Variants in SDHAF2 observed in about 807,000 individuals in gnomAD.
The protein encoded by SDHAF2 is succinate dehydrogenase complex assembly factor 2.
A neutral mutation model predicts 18.5 loss-of-function variants in SDHAF2; 21 were observed. The ratio of observed to expected loss-of-function variants is 1.13; its 90% CI spans 0.80 to 1.63. The LOEUF (loss-of-function observed/expected upper bound fraction) is 1.63, where lower values mean the gene tolerates loss of function less well. Among genes scored for constraint, SDHAF2 ranks in the 40% most tolerant of loss-of-function variants. The pLI is 0.00. For synonymous variants in SDHAF2, 84 were observed against 70.7 expected (o/e 1.19, Z -0.94); for missense variants, 195 against 200.3 (o/e 0.97, Z 0.16).
chr11:61,443,011 C>T (rs1201558101), intron 3 of SDHAF2, among the ~76,000 whole-genome samples: 1 of 152,154 alleles, frequency 6.6e-6, no homozygotes, highest in Non-Finnish European at 1.5e-5. Flanking sequence ...TGCCTCAGTC[C>T]CTTAAAGTGT....
chr11:61,433,869 C>A (rs1861962733), intron 1 of SDHAF2: 1 of 152,318 alleles, frequency 6.6e-6, no homozygotes, highest in Non-Finnish European at 1.5e-5. Context: ...AGATGGCCAC[C>A]TTTTCACTGT....
chr11:61,436,965 G>GT, intron 1 of SDHAF2: 1 of 1,243,028 alleles, frequency 8.0e-7, no homozygotes, highest in Middle Eastern at 2.2e-4. Flanking sequence ...ACACAGGTGA[G>GT]TGAGTAGAGT....
chr11:61,430,944 C>T (rs1861881680), intron 1 of SDHAF2: 1 of 151,440 alleles, frequency 6.6e-6, no homozygotes, highest in African/African-American at 2.4e-5. Context: ...CTTAGTACAG[C>T]TTTTGTCGCA....
intron 1 of SDHAF2, among the ~76,000 whole-genome samples, chr11:61,436,368 G>A (rs112472448): frequency 1.2e-3 from 186 of 152,288 alleles, no homozygotes; most frequent in African/African-American, 4.1e-3. Flanking sequence ...CTAGGGAGAA[G>A]CTGGGAGGTG....
rs866801707 is a variant in SDHAF2, at chr11:61,446,176, C to T, written c.*105C>T. 3 of 1,292,652 alleles carry T rather than the reference C, an allele frequency of 2.3e-6. No individual in the cohort carries two copies. In the Middle Eastern group the frequency reaches 6.0e-4, roughly 258 times the overall value. The allele number at this position is 1,292,652 out of a possible 1,614,324, so 80.1% of individuals were successfully genotyped here. ...TTCTTAGATGCCCAGCTGCCCTACCCCAGACCACTGGTCCTGCCTCAAGTG... is the reference window on the plus strand; with the variant it reads ...TTCTTAGATGCCCAGCTGCCCTACCTCAGACCACTGGTCCTGCCTCAAGTG... On this transcript the variant is annotated 3_prime_UTR_variant, in exon 4 of 4. Coordinates refer to ENST00000301761, the MANE Select transcript of SDHAF2 (RefSeq NM_017841.4).
rs549764688 is a variant in SDHAF2, at chr11:61,434,591, C to CTTTTTTTTTTTTTTTTTTTTTTTT, written c.37-3015_37-3014insTTTTTTTTTTTTTTTTTTTTTTTT. The CTTTTTTTTTTTTTTTTTTTTTTTT allele has an allele frequency of 3.5e-4, 42 of 118,930 alleles. 3 individuals carry two copies. Among genetic ancestry groups the CTTTTTTTTTTTTTTTTTTTTTTTT allele is most frequent in the African/African-American group, 1.3e-3 (34 of 26,540 alleles). The allele number at this position is 118,930 out of a possible 1,614,324, so 7.4% of individuals were successfully genotyped here. On this transcript the variant is annotated intron_variant, in intron 1 of 3. Transcript: ENST00000301761. ...AGGCTTTCTTCACTCCTTCTCATTC[C>CTTTTTTTTTTTTTTTTTTTTTTTT]TTTTTTTTTTTTTTTTTTTAGAAAA...
At chr11:61,431,063 CG>C (rs1453905160) in intron 1 of SDHAF2, 1 of 150,288 alleles carries the variant, frequency 6.7e-6, no homozygotes, top group Non-Finnish European at 1.5e-5. Flanking sequence ...TTGCTCTTGT[CG>C]CCCAGGCTGG....
chr11:61,434,591 C>CTTTTTTTTTTTTTTTTTTTTTTTTTTTTT lies in SDHAF2; in HGVS notation c.37-3015_37-3014insTTTTTTTTTTTTTTTTTTTTTTTTTTTTT, dbSNP rs549764688. 10 of 118,950 alleles carry CTTTTTTTTTTTTTTTTTTTTTTTTTTTTT rather than the reference C, an allele frequency of 8.4e-5. 1 individual carries two copies. Among genetic ancestry groups the CTTTTTTTTTTTTTTTTTTTTTTTTTTTTT allele is most frequent in the African/African-American group, 3.8e-4 (10 of 26,556 alleles). The allele number at this position is 118,950 out of a possible 1,614,324, so 7.4% of individuals were successfully genotyped here. A position where few individuals can be genotyped will look rare whatever the true frequency, so the allele number is the denominator to read the frequency against. Reference sequence around the variant, plus strand: ...AGGCTTTCTTCACTCCTTCTCATTCCTTTTTTTTTTTTTTTTTTTAGAAAA... The same window carrying CTTTTTTTTTTTTTTTTTTTTTTTTTTTTT: ...AGGCTTTCTTCACTCCTTCTCATTCCTTTTTTTTTTTTTTTTTTTTTTTTTTTTTTTTTTTTTTTTTTTTTTTTAGAAAA... On this transcript the variant is annotated intron_variant, in intron 1 of 3. Transcript: ENST00000301761.
chr11:61,437,586 G>C (rs187811909), intron 1 of SDHAF2, 39 bp from the exon 2 acceptor site: 1 of 1,508,746 alleles, frequency 6.6e-7, no homozygotes. Flanking sequence ...GATGATAGTC[G>C]TCATTATTGT....
At chr11:61,434,752 C>A (rs1861974536) in intron 1 of SDHAF2, 2 of 144,476 alleles carry the variant, frequency 1.4e-5, no homozygotes, top group Non-Finnish European at 3.0e-5. Context: ...TTTTTTGAGA[C>A]GGAGTCTCGC....
chr11:61,443,342 C>G (rs1862093149), intron 3 of SDHAF2, among the ~76,000 whole-genome samples: 1 of 152,184 alleles, frequency 6.6e-6, no homozygotes, highest in Non-Finnish European at 1.5e-5. Context: ...TAATATTAGT[C>G]ATAGTCATTT....
Position 61,446,243 on chromosome 11 carries a change from A to G in SDHAF2, c.*172A>G, listed in dbSNP as rs1345983030. 16 of 719,310 alleles carry G rather than the reference A, an allele frequency of 2.2e-5. No individual in the cohort carries two copies. Among genetic ancestry groups the G allele is most frequent in the Middle Eastern group, 7.4e-4 (2 of 2,698 alleles). 44.6% of individuals were successfully genotyped at this position (719,310 alleles called of 1,614,324 possible). ...CCTAGGACATACATGTAAATGCACA[A>G]TGTGACTCATTCTCATACTTTTTTG... On this transcript the variant is annotated 3_prime_UTR_variant, in exon 4 of 4. Coordinates refer to ENST00000301761, the MANE Select transcript of SDHAF2 (RefSeq NM_017841.4).
At chr11:61,443,455 T>C (rs540591434) in intron 3 of SDHAF2, among the ~76,000 whole-genome samples, 1 of 152,356 alleles carries the variant, frequency 6.6e-6, no homozygotes, top group East Asian at 1.9e-4. Flanking sequence ...TTCTTTTGTG[T>C]ATATGTCTCG....
chr11:61,430,942 A>G (rs79387516), intron 1 of SDHAF2: 11,545 of 151,088 alleles, frequency 0.076, 629 homozygotes, highest in Middle Eastern at 0.2. Flanking sequence ...TTCTTAGTAC[A>G]GCTTTTGTCG....
intron 3 of SDHAF2, among the ~76,000 whole-genome samples, chr11:61,441,568 A>C (rs1186027792): frequency 1.3e-5 from 2 of 152,032 alleles, no homozygotes; most frequent in Non-Finnish European, 2.9e-5. Context: ...TACTCAGTAC[A>C]TAATTGGACT....
At chr11:61,430,539 G>A (rs1861862196) in intron 1 of SDHAF2, 1 of 393,708 alleles carries the variant, frequency 2.5e-6, no homozygotes, top group Admixed American at 4.2e-5. Context: ...TCAGCTTTTT[G>A]TTTGTTTATA....
At chr11:61,431,539 GTT>G in intron 1 of SDHAF2, 2 of 152,146 alleles carry the variant, frequency 1.3e-5, no homozygotes, top group African/African-American at 4.8e-5. Flanking sequence ...TCAAGAGTGT[GTT>G]GTTTAATTTC....
At chr11:61,441,498 G>A (rs537797401) in intron 3 of SDHAF2, among the ~76,000 whole-genome samples, 1 of 150,054 alleles carries the variant, frequency 6.7e-6, no homozygotes, top group Admixed American at 6.7e-5. Flanking sequence ...TCCAGCCTGG[G>A]TGACAGAGCG....
chr11:61,432,585 G>A (rs1283881173), intron 1 of SDHAF2: 1 of 152,196 alleles, frequency 6.6e-6, no homozygotes. Flanking sequence ...GGAACCCACA[G>A]ATACGGAGGG....
Sources: gnomAD v4.1 joint callset for allele counts (sites outside exome capture counted in the v4.1 genomes callset) on GRCh38, gnomAD v4.1.1 for gene constraint, MANE v1.5 for transcripts, NCBI Gene and HGNC (gene_info 2026-07-23, HGNC 2026-07-21) for gene names.